GALNTL6: variants seen among roughly 807,000 people sequenced by gnomAD.
The protein encoded by GALNTL6 is polypeptide N-acetylgalactosaminyltransferase-like 6.
In GALNTL6, 46 loss-of-function variants were observed where a neutral mutation model predicts 73.7. The observed-to-expected ratio is 0.62, with a 90% CI of 0.49 to 0.80. The LOEUF is 0.80. Ranked by LOEUF, GALNTL6 falls within the 30% of genes least tolerant of loss-of-function variation. GALNTL6 has a pLI of 0.00. For synonymous variants in GALNTL6, 259 were observed against 263.7 expected (o/e 0.98, Z 0.17); for missense variants, 604 against 755.0 (o/e 0.80, Z 2.34).
intron 5 of GALNTL6, among the ~76,000 whole-genome samples, chr4:172,457,554 A>G (rs1351627908): frequency 6.6e-6 from 1 of 152,078 alleles, no homozygotes; most frequent in Admixed American, 6.5e-5. Flanking sequence ...ACAAGCAGGG[A>G]TTGCAATCCT....
At chr4:171,858,877 G>T (rs1278031998) in intron 2 of GALNTL6, among the ~76,000 whole-genome samples, 1 of 151,958 alleles carries the variant, frequency 6.6e-6, no homozygotes, top group Non-Finnish European at 1.5e-5. Context: ...AAATTAATAA[G>T]ATATATGTTA....
intron 5 of GALNTL6, among the ~76,000 whole-genome samples, chr4:172,646,226 G>T (rs1336478826): frequency 6.6e-6 from 1 of 151,948 alleles, no homozygotes; most frequent in East Asian, 1.9e-4. Flanking sequence ...ATCAGCTCTT[G>T]AATTCCTCCC....
chr4:171,848,286 G>A (rs1735427832), intron 2 of GALNTL6, among the ~76,000 whole-genome samples: 1 of 152,132 alleles, frequency 6.6e-6, no homozygotes, highest in Non-Finnish European at 1.5e-5. Context: ...TTATGCTATA[G>A]ACAGATGTTC....
chr4:172,454,481 T>C (rs1454779921), intron 5 of GALNTL6, among the ~76,000 whole-genome samples: 1 of 152,232 alleles, frequency 6.6e-6, no homozygotes, highest in African/African-American at 2.4e-5. Context: ...GGTACATAGA[T>C]GTTTTGACAG....
intron 2 of GALNTL6, among the ~76,000 whole-genome samples, chr4:171,887,392 A>G (rs28472531): frequency 0.24 from 37,264 of 152,112 alleles, 4,793 homozygotes; most frequent in Middle Eastern, 0.35. Flanking sequence ...TGGTGAAGGG[A>G]CATGATTTTA....
chr4:172,276,833 ATTAAT>A (rs1265664942), intron 3 of GALNTL6, among the ~76,000 whole-genome samples: 2 of 152,156 alleles, frequency 1.3e-5, no homozygotes, highest in Non-Finnish European at 2.9e-5. Context: ...CACCTAGATG[ATTAAT>A]TTAGATAGTA....
chr4:172,496,164 C>A (rs1396513136), intron 5 of GALNTL6, among the ~76,000 whole-genome samples: 2 of 151,694 alleles, frequency 1.3e-5, no homozygotes, highest in Non-Finnish European at 2.9e-5. Context: ...TGTGAAAAAA[C>A]AATTGTAATC....
intron 5 of GALNTL6, among the ~76,000 whole-genome samples, chr4:172,572,933 A>G (rs1410326745): frequency 6.6e-6 from 1 of 152,160 alleles, no homozygotes; most frequent in Non-Finnish European, 1.5e-5. Context: ...GTTAAAAAGC[A>G]TGAAAACATG....
intron 8 of GALNTL6, among the ~76,000 whole-genome samples, chr4:172,918,250 G>T (rs1422323514): frequency 6.6e-6 from 1 of 152,064 alleles, no homozygotes; most frequent in Admixed American, 6.5e-5. Flanking sequence ...GGGGTGGGGG[G>T]AGGCAAGGGA....
At chr4:172,845,515 C>T (rs1160410150) in intron 7 of GALNTL6, among the ~76,000 whole-genome samples, 1 of 152,088 alleles carries the variant, frequency 6.6e-6, no homozygotes, top group African/African-American at 2.4e-5. Flanking sequence ...GTTACCCTTC[C>T]TGATGCCGGC....
chr4:172,413,383 A>G (rs1215361247), intron 5 of GALNTL6, among the ~76,000 whole-genome samples: 4 of 152,224 alleles, frequency 2.6e-5, no homozygotes, highest in South Asian at 4.1e-4. Context: ...CCTAGAGGCA[A>G]TTCTAACGTA....
intron 2 of GALNTL6, among the ~76,000 whole-genome samples, chr4:171,856,189 A>C (rs1735687167): frequency 6.6e-6 from 1 of 151,782 alleles, no homozygotes; most frequent in African/African-American, 2.4e-5. Context: ...GGAAACCTCC[A>C]CCTTCTGGGT....
intron 2 of GALNTL6, among the ~76,000 whole-genome samples, chr4:171,848,977 A>G (rs1735449193): frequency 6.6e-6 from 1 of 151,782 alleles, no homozygotes; most frequent in Non-Finnish European, 1.5e-5. Flanking sequence ...GTTTTTTTAC[A>G]TGGACATATT....
chr4:172,693,019 T>C (rs919105140), intron 5 of GALNTL6, among the ~76,000 whole-genome samples: 2 of 152,178 alleles, frequency 1.3e-5, no homozygotes, highest in Non-Finnish European at 2.9e-5. Context: ...AGATTAAGCT[T>C]ACATATAATG....
intron 7 of GALNTL6, among the ~76,000 whole-genome samples, chr4:172,881,810 T>C (rs549548723): frequency 6.6e-6 from 1 of 152,326 alleles, no homozygotes; most frequent in Non-Finnish European, 1.5e-5. Context: ...TTATCTCTTT[T>C]GCCTCTGAAC....
intron 5 of GALNTL6, among the ~76,000 whole-genome samples, chr4:172,524,635 G>A (rs866241377): frequency 1.5e-4 from 23 of 152,254 alleles, no homozygotes; most frequent in African/African-American, 5.1e-4. Flanking sequence ...GTACACACAT[G>A]CACACATTTC....
chr4:171,886,273 G>A (rs1736604966), intron 2 of GALNTL6, among the ~76,000 whole-genome samples: 1 of 152,178 alleles, frequency 6.6e-6, no homozygotes, highest in South Asian at 2.1e-4. Context: ...AAATTATACT[G>A]TTACCTGTGC....
At chr4:172,170,561 G>A (rs1734782748) in intron 2 of GALNTL6, among the ~76,000 whole-genome samples, 4 of 145,812 alleles carry the variant, frequency 2.7e-5, no homozygotes, top group Non-Finnish European at 1.5e-5. Flanking sequence ...CCAGTCTAGA[G>A]TGTAGTGGTG....
intron 2 of GALNTL6, among the ~76,000 whole-genome samples, chr4:172,206,796 TG>T (rs1560969261): frequency 0.017 from 523 of 30,958 alleles, 157 homozygotes; most frequent in East Asian, 0.087. Flanking sequence ...TGTTTTGTTT[TG>T]TTTTTCTGTT....
Sources: gnomAD v4.1 joint callset for allele counts (sites outside exome capture counted in the v4.1 genomes callset) on GRCh38, gnomAD v4.1.1 for gene constraint, MANE v1.5 for transcripts, NCBI Gene and HGNC (gene_info 2026-07-23, HGNC 2026-07-21) for gene names.